The following MYO18B variants were observed in gnomAD, a reference collection of about 807,000 sequenced individuals.
MYO18B encodes myosin XVIIIB.
MYO18B carries 204 observed loss-of-function variants against 273.0 expected under a neutral mutation model. The ratio of observed to expected loss-of-function variants is 0.75; its 90% confidence interval spans 0.67 to 0.84. The LOEUF is 0.84. MYO18B is among the 40% of genes least tolerant of loss of function. The probability of loss-of-function intolerance (pLI) is 0.00; values close to 1 mark genes in which losing one functional copy is unlikely to be tolerated. For synonymous variants in MYO18B, 1,330 were observed against 1,305.7 expected (o/e 1.02, Z -0.40); for missense variants, 3,212 against 3,287.6 (o/e 0.98, Z 0.56).
At chr22:25,861,638 G>A (rs2146106015) in intron 21 of MYO18B, among the ~76,000 whole-genome samples, 1 of 152,158 alleles carries the variant, frequency 6.6e-6, no homozygotes, top group Non-Finnish European at 1.5e-5. Flanking sequence ...TCAATATATT[G>A]ATCTGTAATG....
At chr22:26,056,750 G>A in the MYO18B span, among the ~76,000 whole-genome samples, 1 of 152,192 alleles carries the variant, frequency 6.6e-6, no homozygotes, top group Non-Finnish European at 1.5e-5. Context: ...GAGATGGACA[G>A]CTACCAGGGA....
downstream of MYO18B, among the ~76,000 whole-genome samples, chr22:26,034,786 T>C (rs1408033027): frequency 1.3e-5 from 2 of 152,176 alleles, no homozygotes; most frequent in Non-Finnish European, 2.9e-5. Flanking sequence ...CTCAAGGTAA[T>C]TTTACAGGTG....
At chr22:25,817,475 C>T (rs1350553939) in intron 12 of MYO18B, among the ~76,000 whole-genome samples, 1 of 143,998 alleles carries the variant, frequency 6.9e-6, no homozygotes, top group African/African-American at 2.6e-5. Flanking sequence ...TCCCTTTCCT[C>T]TTTCTTCTTT....
chr22:25,830,635 G>T (rs908366040), intron 15 of MYO18B, among the ~76,000 whole-genome samples: 1 of 152,188 alleles, frequency 6.6e-6, no homozygotes, highest in Non-Finnish European at 1.5e-5. Flanking sequence ...GTAGTGCTGG[G>T]CAGGGTTCCA....
the MYO18B span, among the ~76,000 whole-genome samples, chr22:26,049,040 C>T: frequency 4.6e-5 from 7 of 152,090 alleles, no homozygotes; most frequent in African/African-American, 9.7e-5. Flanking sequence ...AACAAACCTG[C>T]GCATGTACAC....
intron 34 of MYO18B, among the ~76,000 whole-genome samples, chr22:25,941,945 G>A (rs537862808): frequency 1.2e-4 from 18 of 152,182 alleles, no homozygotes; most frequent in Non-Finnish European, 1.0e-4. Context: ...TTTGGCTTCC[G>A]CTTCATTTTC....
intron 27 of MYO18B, among the ~76,000 whole-genome samples, chr22:25,892,901 G>C (rs9620565): frequency 2.6e-5 from 4 of 152,118 alleles, no homozygotes; most frequent in Non-Finnish European, 2.9e-5. Context: ...TTCCATCTGC[G>C]TGAAATTCAT....
At chr22:26,034,911 G>A (rs928239191), downstream of MYO18B, among the ~76,000 whole-genome samples, 8 of 152,164 alleles carry the variant, frequency 5.3e-5, no homozygotes, top group East Asian at 1.9e-4. Flanking sequence ...TCCTGAGCAC[G>A]GTTGCAGGCA....
intron 7 of MYO18B, among the ~76,000 whole-genome samples, chr22:25,773,096 T>C (rs543205858): frequency 1.3e-5 from 2 of 152,302 alleles, no homozygotes; most frequent in East Asian, 3.9e-4. Flanking sequence ...TTTGTTGAGA[T>C]GGGCAAGAGC....
intron 33 of MYO18B, among the ~76,000 whole-genome samples, chr22:25,916,442 A>C (rs1023731072): frequency 6.6e-6 from 1 of 152,068 alleles, no homozygotes; most frequent in African/African-American, 2.4e-5. Flanking sequence ...ATCCCACTTA[A>C]ACTGTTTTCT....
intron 37 of MYO18B, among the ~76,000 whole-genome samples, chr22:25,951,618 C>T (rs990556175): frequency 6.6e-6 from 1 of 152,316 alleles, no homozygotes; most frequent in East Asian, 1.9e-4. Context: ...TCTGGCTTTC[C>T]ATCATTACCT....
Position 26,027,386 on chromosome 22 carries a change from C to T in MYO18B, c.7412C>T (p.Ser2471Leu), listed in dbSNP as rs1380567902. 1 of 1,613,970 alleles carries T rather than the reference C, an allele frequency of 6.2e-7. No individual in the cohort carries two copies. The highest frequency in any genetic ancestry group is 1.7e-5 in the Admixed American group (1 of 60,028). ...GGTGGGCAAGACGGTTCACAGCGTT[C>T]AAGCATCCACTTTGAAACGGAAGAG... ...AKGGQDGSQRSSIHFETEEAN... is the reference protein window; with the variant it reads ...AKGGQDGSQRLSIHFETEEAN... Residue 2471 changes from serine to leucine, a missense_variant, in exon 43 of 44, where the codon TCA (serine) becomes TTA (leucine). Ser to Leu is a moderately radical substitution (Grantham distance 145, BLOSUM62 -2). Coordinates refer to ENST00000335473, the MANE Select transcript of MYO18B (RefSeq NM_032608.7). This position sits in a 1 kb window ranked among gnomAD's most constrained non-coding sequence, Gnocchi z 4.1.
chr22:25,981,429 G>C (rs1776314844), intron 39 of MYO18B, among the ~76,000 whole-genome samples: 1 of 152,158 alleles, frequency 6.6e-6, no homozygotes, highest in Non-Finnish European at 1.5e-5. Context: ...CTGCATCAGA[G>C]TTGTTCTGTG....
At chr22:25,974,512 C>T (rs1056478019) in intron 39 of MYO18B, among the ~76,000 whole-genome samples, 3 of 152,154 alleles carry the variant, frequency 2.0e-5, no homozygotes, top group African/African-American at 4.8e-5. Flanking sequence ...GGCCAGTCAA[C>T]TTTTTCTGCA....
intron 11 of MYO18B, among the ~76,000 whole-genome samples, chr22:25,792,751 A>G (rs1002384963): frequency 1.3e-5 from 2 of 152,088 alleles, no homozygotes; most frequent in Non-Finnish European, 2.9e-5. Flanking sequence ...TCGGCCTCCC[A>G]AAGTGCTGGG....
Position 25,992,373 on chromosome 22 carries a change from T to C in MYO18B, c.6167T>C (p.Val2056Ala). 5 of 1,613,956 alleles carry C rather than the reference T, an allele frequency of 3.1e-6. No homozygotes were observed. In the South Asian group the frequency reaches 5.5e-5, roughly 18 times the overall value. The change falls in exon 40 of 44, where the codon GTG (valine) becomes GCG (alanine). Residue 2056 changes from valine (V) to alanine (A), a missense_variant. By Grantham distance (64) the Val-to-Ala change is moderately conservative. Coordinates refer to ENST00000335473, the MANE Select transcript of MYO18B (RefSeq NM_032608.7). Reference protein sequence around the residue: ...SRRCMELEKYVEELAAVRQTL... With the variant: ...SRRCMELEKYAEELAAVRQTL... ...ATCTTCTGTCCCCAGGAGAAGTACG[T>C]GGAGGAACTTGCAGCAGTGAGGCAA...
At chr22:25,898,590 C>G (rs911385659) in intron 29 of MYO18B, 129 bp downstream of exon 29, 1 of 967,398 alleles carries the variant, frequency 1.0e-6, no homozygotes, top group African/African-American at 1.6e-5. Context: ...ATCTTCCTCC[C>G]TGTCCCGTCA....
At chr22:25,955,946 T>G (rs2146652228) in intron 39 of MYO18B, among the ~76,000 whole-genome samples, 2 of 152,280 alleles carry the variant, frequency 1.3e-5, no homozygotes, top group Admixed American at 1.3e-4. Flanking sequence ...GTGTGAAGTA[T>G]TTGCTCCCTA....
In MYO18B at chr22:25,887,046, T is replaced by A. The variant is rs535735230; in HGVS notation, c.4315-3710T>A. On this transcript the variant is annotated intron_variant, in intron 25 of 43. Transcript: ENST00000335473. ...AATGAACAGATCTTTCTGTGCAAAT[T>A]GCAAAGTATGGGAGGAGAGCAAAAA... 1.0e-3 allele frequency among the ~76,000 whole-genome samples: 155 copies of A among 152,320 alleles called. 2 individuals carry two copies. The highest frequency in any genetic ancestry group is 3.7e-3 in the African/African-American group (154 of 41,578).
Sources: gnomAD v4.1 joint callset for allele counts (sites outside exome capture counted in the v4.1 genomes callset) on GRCh38, gnomAD v4.1.1 for gene constraint, Gnocchi (gnomAD v3.1) non-coding constraint, MANE v1.5 for transcripts, NCBI Gene and HGNC (gene_info 2026-07-23, HGNC 2026-07-21) for gene names.